Variants in INPPL1 observed in about 807,000 individuals in gnomAD.
INPPL1 encodes the protein phosphatidylinositol 3,4,5-trisphosphate 5-phosphatase 2.
A neutral mutation model predicts 139.3 loss-of-function variants in INPPL1; 91 were observed. The ratio of observed to expected loss-of-function variants is 0.65; its 90% CI spans 0.55 to 0.78. The LOEUF is 0.78. Ranked by LOEUF, INPPL1 falls within the 30% of genes least tolerant of loss-of-function variation. The pLI, the probability that INPPL1 is intolerant of heterozygous loss-of-function variation, is 0.00. For synonymous variants in INPPL1, 719 were observed against 686.6 expected (o/e 1.05, Z -0.74); for missense variants, 1,411 against 1,665.6 (o/e 0.85, Z 2.66).
rs1948741549 is a variant in INPPL1 at position 72,228,564 on chromosome 11, C to A, written c.397+66C>A. 1 of 1,577,748 alleles carries A rather than the reference C, an allele frequency of 6.3e-7. No individual in the cohort carries two copies. The highest frequency in any genetic ancestry group is 1.1e-5 in the South Asian group (1 of 89,704). On this transcript the variant is annotated intron_variant, in intron 3 of 27. Transcript: ENST00000298229. This position sits in a 1 kb window ranked among gnomAD's most constrained non-coding sequence, Gnocchi z 5.0. ...TTGGCTCTACCTGCCTCTTCCCATC[C>A]CCCCTTCTCAACCCCACCTCTCCTG...
rs1210039339 is a variant in INPPL1 at position 72,232,760 on chromosome 11, T to C, written c.1847T>C (p.Ile616Thr). Reference protein sequence around the residue: ...GDLNYRLDMDIQEILNYISRK... With the variant: ...GDLNYRLDMDTQEILNYISRK... ...CTCAACTACCGCCTGGACATGGATA[T>C]CCAGGTGCGAGCAGGGCCCTGCCAT... is the stretch of plus-strand genomic sequence containing the variant. The change falls in exon 15 of 28, where the codon ATC (isoleucine) becomes ACC (threonine). Residue 616 changes from isoleucine to threonine, a missense_variant. Around this residue, in one of 5 missense-constraint regions of INPPL1, gnomAD observed 363 missense variants for 446.2 expected, o/e 0.81. Transcript: ENST00000298229. 3 of 1,613,850 alleles carry C rather than the reference T, an allele frequency of 1.9e-6. No individual in the cohort carries two copies. The highest frequency in any genetic ancestry group is 1.7e-6 in the Non-Finnish European group (2 of 1,180,018).
intron 10 of INPPL1, 91 bp from the exon 11 acceptor site, chr11:72,230,705 C>A: frequency 9.2e-7 from 1 of 1,088,312 alleles, no homozygotes; most frequent in South Asian, 1.4e-5. Context: ...AGACCCTCTC[C>A]TCATGGACAT....
At chr11:72,231,310 C>A in intron 12 of INPPL1, 121 bp downstream of exon 12, 2 of 1,063,470 alleles carry the variant, frequency 1.9e-6, no homozygotes, top group East Asian at 2.4e-5. Context: ...GGTCCCTGAG[C>A]ATATCCTTTG....
At position 72,227,763 on chromosome 11, in the gene INPPL1, A is replaced by G. The variant is rs370094772; in HGVS notation, c.183-427A>G. The G allele has an allele frequency of 4.1e-5, 10 of 244,670 alleles. No individual in the cohort carries two copies. In the East Asian group the frequency reaches 5.1e-4, roughly 12 times the overall value. 15.2% of individuals were successfully genotyped at this position (244,670 alleles called of 1,614,324 possible). Reference sequence around the variant, plus strand: ...AGCAGAGCCAGAGAGCAGCATAAACACAGGAGGCATACACACGTGTTAGCA... The same window carrying G: ...AGCAGAGCCAGAGAGCAGCATAAACGCAGGAGGCATACACACGTGTTAGCA... On this transcript the variant is annotated intron_variant, in intron 1 of 27. Coordinates refer to ENST00000298229, the MANE Select transcript of INPPL1 (RefSeq NM_001567.4).
chr11:72,232,451 C>A, intron 14 of INPPL1, 115 bp downstream of exon 14: 1 of 1,217,054 alleles, frequency 8.2e-7, no homozygotes, highest in South Asian at 1.4e-5. Flanking sequence ...CAGAGACCCC[C>A]TGCTCTCTTA....
At position 72,238,281 on chromosome 11, in the gene INPPL1, C is replaced by A; in HGVS notation, c.3705C>A (p.Asp1235Glu). 6.2e-7 allele frequency: 1 copy of A among 1,611,850 alleles called. No individual in the cohort carries two copies. Among genetic ancestry groups the A allele is most frequent in the African/African-American group, 1.3e-5 (1 of 74,940 alleles). Residue 1235 changes from aspartate to glutamate, a missense_variant, in exon 28 of 28, where the codon GAC becomes GAA. This residue lies in a region of INPPL1 where 438 missense variants were observed against 425.7 expected (regional missense o/e 1.03). Coordinates refer to ENST00000298229, the MANE Select transcript of INPPL1 (RefSeq NM_001567.4). ...TCCACAGTGACATCACCGAGGAGGACTTGGAGGAGGCTGGGGTGCAGGACC... is the reference window on the plus strand; with the variant it reads ...TCCACAGTGACATCACCGAGGAGGAATTGGAGGAGGCTGGGGTGCAGGACC... ...LEFLSDITEE[D>E]LEEAGVQDPA...
Position 72,238,105 on chromosome 11 carries a change from C to T in INPPL1, c.3616C>T (p.Arg1206Trp), listed in dbSNP as rs991937669. ...CGAGGCAGGCATGAGTGCCTGGCTG[C>T]GGGCCATCGGCTTGGAGCGCTATGA... is the stretch of plus-strand genomic sequence containing the variant. ...LGEAGMSAWLRAIGLERYEEG... is the reference protein window; with the variant it reads ...LGEAGMSAWLWAIGLERYEEG... Residue 1206 changes from arginine (R) to tryptophan (W), a missense_variant, in exon 27 of 28, where the codon CGG (arginine) becomes TGG (tryptophan). By Grantham distance (101) the Arg-to-Trp change is moderately radical. Transcript: ENST00000298229. 5 of 1,581,904 alleles carry T rather than the reference C, an allele frequency of 3.2e-6. No homozygotes were observed. Among genetic ancestry groups the T allele is most frequent in the Admixed American group, 1.8e-5 (1 of 56,028 alleles).
In INPPL1 at chr11:72,238,076, T is replaced by C; in HGVS notation, c.3587T>C (p.Leu1196Pro). ...CTGCAGGGCGGGCGGGCCAGCGGGCTGGGCGAGGCAGGCATGAGTGCCTGG... is the reference window on the plus strand; with the variant it reads ...CTGCAGGGCGGGCGGGCCAGCGGGCCGGGCGAGGCAGGCATGAGTGCCTGG... ...PCLQGGRASG[L>P]GEAGMSAWLR... Residue 1196 changes from leucine to proline, a missense_variant, in exon 27 of 28, where the codon CTG becomes CCG. By Grantham distance (98) the Leu-to-Pro change is moderately conservative. Transcript: ENST00000298229. The C allele has an allele frequency of 6.4e-6, 10 of 1,572,616 alleles. No individual in the cohort carries two copies. Among genetic ancestry groups the C allele is most frequent in the Non-Finnish European group, 8.6e-6 (10 of 1,159,372 alleles).
Position 72,228,041 on chromosome 11 carries a change from T to G in INPPL1, c.183-149T>G. 1 of 733,346 alleles carries G rather than the reference T, an allele frequency of 1.4e-6. No individual in the cohort carries two copies. Among genetic ancestry groups the G allele is most frequent in the Non-Finnish European group, 2.4e-6 (1 of 421,036 alleles). 45.4% of individuals were successfully genotyped at this position (733,346 alleles called of 1,614,324 possible). On this transcript the variant is annotated intron_variant, in intron 1 of 27. Coordinates refer to ENST00000298229, the MANE Select transcript of INPPL1 (RefSeq NM_001567.4). This position sits in a 1 kb window ranked among gnomAD's most constrained non-coding sequence, Gnocchi z 5.0. The stretch of plus-strand genomic sequence containing the variant: ...GGAGGGTGGAAGTGGACCGGCCACA[T>G]CATTAACCCTGTGCAGCCTGGGCAG...
upstream of INPPL1, chr11:72,223,655 C>A (rs1948577442): frequency 6.6e-6 from 1 of 151,992 alleles, no homozygotes; most frequent in South Asian, 2.1e-4. Context: ...GGCCCGGTGC[C>A]GAGCGCGGTA....
intron 10 of INPPL1, 56 bp downstream of exon 10, chr11:72,230,524 G>T (rs1591275824): frequency 2.7e-6 from 4 of 1,498,180 alleles, no homozygotes; most frequent in East Asian, 2.3e-5. Flanking sequence ...CCACATGGGT[G>T]CTTCCCATTG....
Position 72,237,522 on chromosome 11 carries a change from C to T in INPPL1, c.3278C>T (p.Ala1093Val). The T allele has an allele frequency of 1.2e-6, 2 of 1,608,130 alleles. No individual in the cohort carries two copies. The highest frequency in any genetic ancestry group is 1.7e-6 in the Non-Finnish European group (2 of 1,176,380). The change falls in exon 26 of 28, where the codon GCC becomes GTC. Residue 1093 changes from alanine to valine, a missense_variant. This residue lies in a region of INPPL1 where 438 missense variants were observed against 425.7 expected (regional missense o/e 1.03). Transcript: ENST00000298229. Reference sequence around the variant, plus strand: ...GCCCGTGGCCCACCACCTCCCAAGGCCCATCCAAGGCCTCCACTGCCCCCA... The same window carrying T: ...GCCCGTGGCCCACCACCTCCCAAGGTCCATCCAAGGCCTCCACTGCCCCCA... ...AEARGPPPPK[A>V]HPRPPLPPGP...
chr11:72,234,732 A>AGAGAGAGTGT lies in INPPL1; in HGVS notation c.2415+118_2415+119insAGAGAGTGTG. 1.9e-6 allele frequency: 1 copy of AGAGAGAGTGT among 527,280 alleles called. No homozygotes were observed. Among genetic ancestry groups the AGAGAGAGTGT allele is most frequent in the Non-Finnish European group, 3.4e-6 (1 of 298,240 alleles). 32.7% of individuals were successfully genotyped at this position (527,280 alleles called of 1,614,324 possible). The stretch of plus-strand genomic sequence containing the variant: ...GGGGCCAGCAGAGAGAGAGAGAGAG[A>AGAGAGAGTGT]GTGTGTGTGTGTGTGTGTGTGTGTG... On this transcript the variant is annotated intron_variant, in intron 21 of 27. Coordinates refer to ENST00000298229, the MANE Select transcript of INPPL1 (RefSeq NM_001567.4). The surrounding 1 kb of genome is among the most constrained non-coding windows in gnomAD (Gnocchi z 4.2).
At chr11:72,226,528 A>G (rs1948679079) in intron 1 of INPPL1, among the ~76,000 whole-genome samples, 1 of 152,140 alleles carries the variant, frequency 6.6e-6, no homozygotes, top group Non-Finnish European at 1.5e-5. Context: ...ATTGACATCT[A>G]GTGGGTAGAA....
In INPPL1 at chr11:72,230,372, C is replaced by T; in HGVS notation, c.1101C>T (p.Leu367=). ...TTFTHDRIRQ[L]IKSQRVQNKL... ...TCCTCCATGCCCTAGTCCGCCAGCT[C>T]ATTAAGTCCCAGCGTGTCCAGAACA... Residue 367 remains leucine (L), a synonymous_variant, in exon 10 of 28, where the codon CTC becomes CTT. Transcript: ENST00000298229. The T allele has an allele frequency of 1.2e-6, 2 of 1,614,104 alleles. No individual in the cohort carries two copies. The highest frequency in any genetic ancestry group is 1.7e-6 in the Non-Finnish European group (2 of 1,180,036).
At position 72,232,220 on chromosome 11, in the gene INPPL1, T is replaced by C; in HGVS notation, c.1616-20T>C. Reference sequence around the variant, plus strand: ...CCTCTGAGGATGACCCAGGCCTTCCTCTCTTGCTTGCCTTAACAGGGAACA... The same window carrying C: ...CCTCTGAGGATGACCCAGGCCTTCCCCTCTTGCTTGCCTTAACAGGGAACA... On this transcript the variant is annotated intron_variant, in intron 13 of 27. Coordinates refer to ENST00000298229, the MANE Select transcript of INPPL1 (RefSeq NM_001567.4). 6.5e-7 allele frequency: 1 copy of C among 1,545,214 alleles called. No individual in the cohort carries two copies. Among genetic ancestry groups the C allele is most frequent in the Non-Finnish European group, 8.8e-7 (1 of 1,140,758 alleles).
At position 72,228,153 on chromosome 11, in the gene INPPL1, C is replaced by T; in HGVS notation, c.183-37C>T. On this transcript the variant is annotated intron_variant, in intron 1 of 27. Coordinates refer to ENST00000298229, the MANE Select transcript of INPPL1 (RefSeq NM_001567.4). The surrounding 1 kb of genome is among the most constrained non-coding windows in gnomAD (Gnocchi z 5.0). ...GGTGCTTTGGGTCTTAGACCCCAGC[C>T]TGGGGGTGACAGATTCTGGCCCTGC... 6.2e-7 allele frequency: 1 copy of T among 1,611,448 alleles called. No homozygotes were observed. Among genetic ancestry groups the T allele is most frequent in the Non-Finnish European group, 8.5e-7 (1 of 1,177,642 alleles).
rs773663316 is a variant in INPPL1 at position 72,228,760 on chromosome 11, G to A, written c.431G>A (p.Arg144His). The A allele has an allele frequency of 1.6e-5, 26 of 1,610,880 alleles. No homozygotes were observed. Among genetic ancestry groups the A allele is most frequent in the Non-Finnish European group, 2.2e-5 (26 of 1,178,390 alleles). The change falls in exon 4 of 28, where the codon CGC (arginine) becomes CAC (histidine). Residue 144 changes from arginine to histidine, a missense_variant. This residue lies in a region of INPPL1 where 504 missense variants were observed against 595.6 expected (regional missense o/e 0.85). Coordinates refer to ENST00000298229, the MANE Select transcript of INPPL1 (RefSeq NM_001567.4). This position sits in a 1 kb window ranked among gnomAD's most constrained non-coding sequence, Gnocchi z 5.0. The part of the protein sequence containing the change: ...GEDEKPPLPP[R>H]SGSTSISAPT... The stretch of plus-strand genomic sequence containing the variant: ...GATGAGAAGCCCCCGCTGCCCCCGC[G>A]CTCTGGCTCCACCAGCATTTCTGCC...
chr11:72,230,120 G>A lies in INPPL1; in HGVS notation c.940-1G>A. ...CAGCAGCCTCCCCACCTGGCCTACA[G>A]GTGAAGCTAGATGTGACCCTGGGTG... On this transcript the variant is annotated splice_acceptor_variant, in intron 8 of 27. Coordinates refer to ENST00000298229, the MANE Select transcript of INPPL1 (RefSeq NM_001567.4). LOFTEE classifies it high-confidence loss of function. The A allele has an allele frequency of 6.2e-7, 1 of 1,610,794 alleles. No individual in the cohort carries two copies. Among genetic ancestry groups the A allele is most frequent in the Non-Finnish European group, 8.5e-7 (1 of 1,177,528 alleles).
Sources: allele counts gnomAD v4.1 joint callset (sites outside exome capture counted in the v4.1 genomes callset), GRCh38; gene constraint gnomAD v4.1.1; regional missense constraint gnomAD v4.1.1; non-coding constraint Gnocchi (gnomAD v3.1); transcripts MANE v1.5; gene names NCBI Gene and HGNC (gene_info 2026-07-23, HGNC 2026-07-21).